The following CNGB1 variants were observed in gnomAD, a reference collection of about 807,000 sequenced individuals.
CNGB1 encodes cyclic nucleotide gated channel subunit beta 1.
A neutral mutation model predicts 151.7 loss-of-function variants in CNGB1; 126 were observed. That is an observed-to-expected ratio of 0.83 (90% CI 0.72 to 0.96). The LOEUF (loss-of-function observed/expected upper bound fraction) is 0.96. CNGB1 is among the 40% of genes least tolerant of loss of function. The pLI, the probability that CNGB1 is intolerant of heterozygous loss-of-function variation, is 0.00. For synonymous variants in CNGB1, 623 were observed against 635.1 expected (o/e 0.98, Z 0.29); for missense variants, 1,698 against 1,627.0 (o/e 1.04, Z -0.75).
intron 14 of CNGB1, among the ~76,000 whole-genome samples, chr16:57,945,041 C>G (rs944501685): frequency 6.6e-6 from 1 of 151,148 alleles, no homozygotes; most frequent in Non-Finnish European, 1.5e-5. Context: ...TCTCACATAA[C>G]CCTGACAGAT....
At chr16:57,954,220 C>G (rs1384878508) in intron 12 of CNGB1, among the ~76,000 whole-genome samples, 3 of 152,192 alleles carry the variant, frequency 2.0e-5, no homozygotes, top group Non-Finnish European at 2.9e-5. Flanking sequence ...TTTATTCCCT[C>G]TACTGGGATT....
At position 57,897,522 on chromosome 16, in the gene CNGB1, C is replaced by T; in HGVS notation, c.3117G>A (p.Gly1039=). The T allele has an allele frequency of 6.2e-7, 1 of 1,614,104 alleles. No homozygotes were observed. Among genetic ancestry groups the T allele is most frequent in the South Asian group, 1.1e-5 (1 of 91,074 alleles). The stretch of plus-strand genomic sequence containing the variant: ...CCACCACGTTGGCCGTGCGCCGGTT[C>T]CCGCCCCCAACAGCCAGCAAGCTGG... ...GEISLLAVGG[G]NRRTANVVAH... Residue 1039 remains glycine (G), a synonymous_variant, in exon 31 of 33, where the codon GGG becomes GGA. Coordinates refer to ENST00000251102, the MANE Select transcript of CNGB1 (RefSeq NM_001297.5).
chr16:57,895,233 G>A (rs769719045), intron 31 of CNGB1, among the ~76,000 whole-genome samples: 10 of 152,118 alleles, frequency 6.6e-5, no homozygotes, highest in Non-Finnish European at 1.2e-4. Flanking sequence ...ATCACCTGAG[G>A]TCAGGAGTTT....
In CNGB1 at chr16:57,922,289, C is replaced by A. The variant is rs247064; in HGVS notation, c.1643+984G>T. On this transcript the variant is annotated intron_variant, in intron 18 of 32. Coordinates refer to ENST00000251102, the MANE Select transcript of CNGB1 (RefSeq NM_001297.5). The stretch of plus-strand genomic sequence containing the variant: ...GGGATTCCAGGCAGAGCCCAGGGCC[C>A]GGGTATTCGCCATCCACCAGAGCTT... 7.9e-5 allele frequency among the ~76,000 whole-genome samples: 12 copies of A among 152,038 alleles called. No homozygotes were observed. The East Asian group carries it at 1.2e-3, about 15-fold the overall frequency.
chr16:57,954,563 C>A (rs1166070596), intron 12 of CNGB1: 1 of 550,536 alleles, frequency 1.8e-6, no homozygotes, highest in East Asian at 1.5e-4. Context: ...GCTAATTCCT[C>A]TCCTCCTGCA....
At chr16:57,959,494 C>G (rs1252601137) in intron 10 of CNGB1, among the ~76,000 whole-genome samples, 1 of 152,110 alleles carries the variant, frequency 6.6e-6, no homozygotes, top group Non-Finnish European at 1.5e-5. Context: ...CCCAGCTACT[C>G]AGGAGGCTGA....
intron 16 of CNGB1, among the ~76,000 whole-genome samples, chr16:57,932,322 C>G (rs1596990548): frequency 6.6e-6 from 1 of 152,314 alleles, no homozygotes; most frequent in East Asian, 1.9e-4. Context: ...GTTTCCCCAC[C>G]CCAAGTTAGG....
Position 57,931,759 on chromosome 16 carries a change from A to T in CNGB1, c.1492T>A (p.Ser498Thr). 1 of 1,614,156 alleles carries T rather than the reference A, an allele frequency of 6.2e-7. No individual in the cohort carries two copies. Among genetic ancestry groups the T allele is most frequent in the Non-Finnish European group, 8.5e-7 (1 of 1,180,030 alleles). Residue 498 changes from serine (S) to threonine (T), a missense_variant, in exon 17 of 33, where the codon TCA becomes ACA. Transcript: ENST00000251102. ...GAGCTTGGGACTATAAGGGTGTCTG[A>T]TTTGGCAGGAGACGGTGGCGGCAAC... The part of the protein sequence containing the change: ...TVLPPPSPAK[S>T]DTLIVPSSAS...
intron 29 of CNGB1, among the ~76,000 whole-genome samples, chr16:57,900,117 T>C (rs1236200179): frequency 2.0e-5 from 3 of 151,896 alleles, no homozygotes; most frequent in Non-Finnish European, 2.9e-5. Context: ...ACTATCAACA[T>C]CCCCCACTTT....
chr16:57,950,252 C>T, intron 13 of CNGB1, 129 bp downstream of exon 13: 1 of 1,094,648 alleles, frequency 9.1e-7, no homozygotes, highest in Non-Finnish European at 1.4e-6. Flanking sequence ...AGAAGGATGG[C>T]TGTATGAAGG....
Position 57,913,254 on chromosome 16 carries a change from G to A in CNGB1, c.2305-260C>T, listed in dbSNP as rs941835680. ...TCTCACAATTTGCATATAATTTCAG[G>A]GGACTCCTGGACCCTCTGAATTCTA... On this transcript the variant is annotated intron_variant, in intron 23 of 32. Transcript: ENST00000251102. Among the ~76,000 whole-genome samples, 6 of 152,236 alleles carry A rather than the reference G, an allele frequency of 3.9e-5. No individual in the cohort carries two copies. In the East Asian group the frequency reaches 9.7e-4, roughly 25 times the overall value.
At chr16:57,908,801 C>A (rs754500612) in intron 25 of CNGB1, among the ~76,000 whole-genome samples, 2 of 152,170 alleles carry the variant, frequency 1.3e-5, no homozygotes, top group Non-Finnish European at 2.9e-5. Context: ...GGTCAAGCCA[C>A]CGGTTGGCCT....
chr16:57,949,566 C>T, intron 13 of CNGB1, 127 bp from the exon 14 acceptor site: 3 of 1,515,362 alleles, frequency 2.0e-6, no homozygotes, highest in Non-Finnish European at 1.8e-6. Flanking sequence ...CCAACCAAGG[C>T]TCAACCTGGG....
At chr16:57,889,415 C>T (rs1960026005) in intron 31 of CNGB1, among the ~76,000 whole-genome samples, 1 of 152,172 alleles carries the variant, frequency 6.6e-6, no homozygotes, top group African/African-American at 2.4e-5. Context: ...GGCCCCAGTC[C>T]TACAACCCCA....
At chr16:57,944,832 T>C (rs1597001143) in intron 14 of CNGB1, among the ~76,000 whole-genome samples, 1 of 150,956 alleles carries the variant, frequency 6.6e-6, no homozygotes, top group Non-Finnish European at 1.5e-5. Context: ...TACATGCCTG[T>C]AATCCCAGCT....
intron 7 of CNGB1, 92 bp from the exon 8 acceptor site, chr16:57,961,007 C>G (rs534863861): frequency 8.7e-7 from 1 of 1,144,356 alleles, no homozygotes; most frequent in Non-Finnish European, 1.3e-6. Flanking sequence ...ACCAGCCATT[C>G]CGTGCCCTCC....
chr16:57,884,093 G>C lies in CNGB1; in HGVS notation c.*71C>G. 1.9e-6 allele frequency: 3 copies of C among 1,603,690 alleles called. No individual in the cohort carries two copies. Among genetic ancestry groups the C allele is most frequent in the Non-Finnish European group, 2.6e-6 (3 of 1,170,978 alleles). On this transcript the variant is annotated 3_prime_UTR_variant, in exon 33 of 33. Transcript: ENST00000251102. ...AGCCGTGGGGGAAGGTGGGGCGCTG[G>C]GGCGCAGGGGCGCAGCGGGCGCTGG...
At chr16:57,949,326 T>C (rs1212987566) in intron 14 of CNGB1, 27 bp downstream of exon 14, 3 of 1,605,472 alleles carry the variant, frequency 1.9e-6, no homozygotes, top group East Asian at 4.5e-5. Context: ...CCAGGGCCGT[T>C]CCCAGACAGG....
intron 2 of CNGB1, among the ~76,000 whole-genome samples, chr16:57,965,327 C>G (rs187346760): frequency 4.7e-4 from 72 of 152,046 alleles, no homozygotes; most frequent in Non-Finnish European, 8.2e-4. Context: ...GCATGCATGC[C>G]CCAACACATA....
Sources: gnomAD v4.1 joint callset for allele counts (sites outside exome capture counted in the v4.1 genomes callset) on GRCh38, gnomAD v4.1.1 for gene constraint, MANE v1.5 for transcripts, NCBI Gene and HGNC (gene_info 2026-07-23, HGNC 2026-07-21) for gene names.